Variants in TTLL11 observed in about 807,000 individuals in gnomAD.
TTLL11 encodes the protein tubulin polyglutamylase TTLL11.
A neutral mutation model predicts 51.7 loss-of-function variants in TTLL11; 42 were observed. The observed-to-expected ratio is 0.81, with a 90% CI of 0.64 to 1.05. TTLL11 has a LOEUF of 1.05. TTLL11 is among the 50% of genes least tolerant of loss of function. TTLL11 has a pLI of 0.00. For synonymous variants in TTLL11, 381 were observed against 383.5 expected, an observed-to-expected ratio of 0.99 and a Z score of 0.08; for missense variants, 799 against 940.4, an observed-to-expected ratio of 0.85 and a Z score of 1.97.
intron 8 of TTLL11, among the ~76,000 whole-genome samples, chr9:121,840,996 G>A (rs548815098): frequency 4.6e-5 from 7 of 152,318 alleles, no homozygotes; most frequent in South Asian, 4.1e-4. Flanking sequence ...GAGCTATGAC[G>A]GCTGGGGAGG....
chr9:122,010,913 G>A (rs1030295350), intron 3 of TTLL11, among the ~76,000 whole-genome samples: 1 of 152,174 alleles, frequency 6.6e-6, no homozygotes, highest in Non-Finnish European at 1.5e-5. Flanking sequence ...AGTACCTAGA[G>A]AGGAATGCGT....
intron 7 of TTLL11, among the ~76,000 whole-genome samples, chr9:121,862,255 G>A (rs901145902): frequency 6.6e-6 from 1 of 152,054 alleles, no homozygotes; most frequent in Non-Finnish European, 1.5e-5. Flanking sequence ...GCATCAGACA[G>A]ATTAGGATTT....
chr9:121,970,849 G>A (rs1842525653), intron 6 of TTLL11, among the ~76,000 whole-genome samples: 1 of 152,248 alleles, frequency 6.6e-6, no homozygotes, highest in Non-Finnish European at 1.5e-5. Context: ...CCATTACTGG[G>A]TATATACCCA....
intron 8 of TTLL11, among the ~76,000 whole-genome samples, chr9:121,823,372 C>T (rs1792876835): frequency 6.6e-6 from 1 of 152,150 alleles, no homozygotes; most frequent in African/African-American, 2.4e-5. Context: ...ATGGAGAAAC[C>T]TCATCTCTAC....
chr9:121,891,284 G>A (rs1839221224), intron 6 of TTLL11, among the ~76,000 whole-genome samples: 1 of 152,176 alleles, frequency 6.6e-6, no homozygotes. Flanking sequence ...AGTCTCCACT[G>A]CTTCAACCTG....
chr9:121,826,513 A>ATATATACGTGTGTG (rs1564260406), intron 8 of TTLL11, among the ~76,000 whole-genome samples: 1 of 89,166 alleles, frequency 1.1e-5, no homozygotes, highest in African/African-American at 5.8e-5. Context: ...ATATATATAT[A>ATATATACGTGTGTG]TGTATATATA....
At chr9:122,042,351 A>G (rs1279672017) in intron 1 of TTLL11, among the ~76,000 whole-genome samples, 2 of 152,240 alleles carry the variant, frequency 1.3e-5, no homozygotes, top group African/African-American at 4.8e-5. Context: ...GTAATCAAAT[A>G]GTGTATACAA....
chr9:121,930,639 G>C (rs1048731681), intron 6 of TTLL11, among the ~76,000 whole-genome samples: 1 of 152,304 alleles, frequency 6.6e-6, no homozygotes, highest in Admixed American at 6.5e-5. Flanking sequence ...GCAGCGTCCT[G>C]GGCCAAGGAT....
At chr9:121,888,908 A>G (rs1839117522) in intron 6 of TTLL11, among the ~76,000 whole-genome samples, 1 of 152,238 alleles carries the variant, frequency 6.6e-6, no homozygotes, top group Non-Finnish European at 1.5e-5. Context: ...GGCAGGAACT[A>G]TCAGCCCAGA....
intron 6 of TTLL11, among the ~76,000 whole-genome samples, chr9:121,919,579 C>T (rs7027716): frequency 0.35 from 52,605 of 152,094 alleles, 9,709 homozygotes; most frequent in East Asian, 0.47. Flanking sequence ...GGAAAGAGAA[C>T]AGTTCAAAGA....
intron 6 of TTLL11, among the ~76,000 whole-genome samples, chr9:121,886,472 A>G (rs907194988): frequency 6.6e-6 from 1 of 152,202 alleles, no homozygotes; most frequent in African/African-American, 2.4e-5. Context: ...AACCGAGGGC[A>G]GAGGCTGGAG....
intron 3 of TTLL11, among the ~76,000 whole-genome samples, chr9:122,029,638 T>C (rs1357858433): frequency 6.6e-6 from 1 of 152,226 alleles, no homozygotes; most frequent in Non-Finnish European, 1.5e-5. Flanking sequence ...CTAAAAGGTT[T>C]TTAAAAAATA....
intron 1 of TTLL11, chr9:122,040,464 C>T (rs1318155609): frequency 1.0e-6 from 1 of 964,050 alleles, no homozygotes; most frequent in Non-Finnish European, 1.2e-6. Flanking sequence ...TTTTTTAAAT[C>T]TGTAACTCAG....
intron 1 of TTLL11, among the ~76,000 whole-genome samples, chr9:122,075,926 C>T (rs891468269): frequency 1.3e-5 from 2 of 151,986 alleles, no homozygotes; most frequent in Non-Finnish European, 2.9e-5. Flanking sequence ...GGAAAACAGT[C>T]ATTTAGAAGG....
intron 8 of TTLL11, among the ~76,000 whole-genome samples, chr9:121,833,545 A>G (rs1837091324): frequency 6.6e-6 from 1 of 152,078 alleles, no homozygotes; most frequent in Non-Finnish European, 1.5e-5. Context: ...TTTCTCATCT[A>G]CTTCTCAGGG....
At chr9:121,959,468 G>T (rs1217919056) in intron 6 of TTLL11, among the ~76,000 whole-genome samples, 1 of 152,136 alleles carries the variant, frequency 6.6e-6, no homozygotes, top group Non-Finnish European at 1.5e-5. Context: ...GGACCTCCAT[G>T]ACTGGCACCA....
chr9:121,874,292 C>A (rs1482425328), intron 6 of TTLL11, among the ~76,000 whole-genome samples: 1 of 152,212 alleles, frequency 6.6e-6, no homozygotes, highest in Non-Finnish European at 1.5e-5. Context: ...AGCCTCTGCA[C>A]CCGACCCACC....
intron 7 of TTLL11, among the ~76,000 whole-genome samples, chr9:121,862,175 C>CTT (rs774632655): frequency 1.4e-5 from 2 of 141,258 alleles, no homozygotes; most frequent in African/African-American, 2.6e-5. Context: ...CCCTCCCCAG[C>CTT]TTTTTTTTTT....
At chr9:122,081,532 G>A (rs1404791121) in intron 1 of TTLL11, among the ~76,000 whole-genome samples, 1 of 152,184 alleles carries the variant, frequency 6.6e-6, no homozygotes, top group Non-Finnish European at 1.5e-5. Flanking sequence ...CAAAGCCAAA[G>A]TCATGTTAGA....
Sources: gnomAD v4.1 joint callset for allele counts (sites outside exome capture counted in the v4.1 genomes callset) on GRCh38, gnomAD v4.1.1 for gene constraint, MANE v1.5 for transcripts, NCBI Gene and HGNC (gene_info 2026-07-23, HGNC 2026-07-21) for gene names.